THSD7B: variants seen among roughly 807,000 people sequenced by gnomAD.
THSD7B encodes the protein thrombospondin type-1 domain-containing protein 7B.
In THSD7B, 138 loss-of-function variants were observed where a neutral mutation model predicts 213.6. The observed-to-expected ratio is 0.65, with a 90% CI of 0.56 to 0.74. The LOEUF is 0.74. Ranked by LOEUF, THSD7B falls within the 30% of genes least tolerant of loss-of-function variation. The pLI is 0.00. For missense variants in THSD7B, 1,931 were observed against 1,991.5 expected, an observed-to-expected ratio of 0.97 and a Z score of 0.58; for synonymous variants, 742 against 687.0, an observed-to-expected ratio of 1.08 and a Z score of -1.25.
chr2:137,461,271 C>T (rs1376351740), intron 15 of THSD7B, among the ~76,000 whole-genome samples: 5 of 152,092 alleles, frequency 3.3e-5, no homozygotes, highest in African/African-American at 1.2e-4. Flanking sequence ...TGTAGATATT[C>T]AATTTCAGTA....
At chr2:137,197,016 T>G (rs1048440459) in intron 7 of THSD7B, among the ~76,000 whole-genome samples, 2 of 152,166 alleles carry the variant, frequency 1.3e-5, no homozygotes, top group Non-Finnish European at 2.9e-5. Flanking sequence ...CTGAATCTAA[T>G]CACACAATCA....
rs192155143 is a variant in THSD7B at position 137,477,506 on chromosome 2, A to T, written c.3138+26483A>T. Among the ~76,000 whole-genome samples, 111 of 142,538 alleles carry T rather than the reference A, an allele frequency of 7.8e-4. 2 individuals are homozygous for T. The highest frequency in any genetic ancestry group is 2.9e-3 in the African/African-American group (99 of 33,816). 93.5% of individuals were successfully genotyped at this position (142,538 alleles called of 152,430 possible). On this transcript the variant is annotated intron_variant, in intron 15 of 27. Coordinates refer to ENST00000409968, the MANE Select transcript of THSD7B (RefSeq NM_001316349.2). ...AAATTTTAATTTATTTATACTCATGATTATTATTTATATTTGATTATTATT... is the reference window on the plus strand; with the variant it reads ...AAATTTTAATTTATTTATACTCATGTTTATTATTTATATTTGATTATTATT...
At chr2:137,458,525 T>C (rs2105076305) in intron 15 of THSD7B, among the ~76,000 whole-genome samples, 1 of 152,300 alleles carries the variant, frequency 6.6e-6, no homozygotes, top group East Asian at 1.9e-4. Flanking sequence ...AGCTCTGCTT[T>C]TGTCTTGCAG....
At chr2:136,987,125 G>A (rs1685686282) in intron 2 of THSD7B, among the ~76,000 whole-genome samples, 1 of 152,182 alleles carries the variant, frequency 6.6e-6, no homozygotes, top group Non-Finnish European at 1.5e-5. Flanking sequence ...CAGACTCACA[G>A]TAGTTCAAGC....
intron 15 of THSD7B, among the ~76,000 whole-genome samples, chr2:137,460,617 G>A (rs1687865704): frequency 6.6e-6 from 1 of 151,890 alleles, no homozygotes; most frequent in Non-Finnish European, 1.5e-5. Context: ...CACCTTATTT[G>A]GCATAGCATT....
At chr2:137,269,448 C>T (rs1682682983) in intron 10 of THSD7B, among the ~76,000 whole-genome samples, 1 of 152,212 alleles carries the variant, frequency 6.6e-6, no homozygotes, top group South Asian at 2.1e-4. Flanking sequence ...CTGATCCATG[C>T]TGTATATGTA....
rs16836660 is a variant in THSD7B at position 136,784,463 on chromosome 2, T to G, written c.-36+18776T>G. On this transcript the variant is annotated intron_variant, in intron 1 of 27. Coordinates refer to ENST00000409968, the MANE Select transcript of THSD7B (RefSeq NM_001316349.2). ...ATTATTGCAAAGATGATATTTATTT[T>G]GTAGGCTCCATTCTTTGTTTTGTTT... Among the ~76,000 whole-genome samples the G allele has an allele frequency of 5.9e-3, 899 of 152,302 alleles. 7 individuals carry two copies. The highest frequency in any genetic ancestry group is 0.02 in the African/African-American group (849 of 41,570).
chr2:137,107,561 TGACCTG>T (rs911057650), intron 4 of THSD7B, among the ~76,000 whole-genome samples: 1 of 152,216 alleles, frequency 6.6e-6, no homozygotes, highest in African/African-American at 2.4e-5. Flanking sequence ...AGAGGAGTCG[TGACCTG>T]GATTCTCCAG....
intron 1 of THSD7B, among the ~76,000 whole-genome samples, chr2:136,867,662 A>G (rs543809252): frequency 9.2e-5 from 14 of 152,264 alleles, no homozygotes; most frequent in African/African-American, 3.4e-4. Context: ...TGTTTTCTTT[A>G]ATGCATTCAT....
At chr2:137,404,680 AAG>A (rs891090661) in intron 12 of THSD7B, among the ~76,000 whole-genome samples, 3 of 151,538 alleles carry the variant, frequency 2.0e-5, no homozygotes, top group African/African-American at 7.3e-5. Flanking sequence ...CAACCATAAA[AAG>A]GAATGAATTA....
At chr2:137,589,591 T>C (rs1333895486) in intron 17 of THSD7B, among the ~76,000 whole-genome samples, 1 of 152,216 alleles carries the variant, frequency 6.6e-6, no homozygotes, top group African/African-American at 2.4e-5. Flanking sequence ...GTTTTCTTTT[T>C]GGTTTTTGTT....
chr2:136,814,608 G>A (rs531226990), intron 1 of THSD7B, among the ~76,000 whole-genome samples: 25 of 152,090 alleles, frequency 1.6e-4, no homozygotes, highest in Non-Finnish European at 2.6e-4. Flanking sequence ...CCGTGTTAGC[G>A]AGAATGGTTT....
Position 137,391,425 on chromosome 2 carries a change from A to T in THSD7B, c.2501-14188A>T, listed in dbSNP as rs112191931. 2.9e-3 allele frequency among the ~76,000 whole-genome samples: 446 copies of T among 152,236 alleles called. 5 individuals are homozygous for T. The highest frequency in any genetic ancestry group is 0.01 in the African/African-American group (432 of 41,552). ...AAGAACAGGCCAGGTGCAGTGGCTC[A>T]TGCCTGTAATCCCAGCATTTTGGGA... On this transcript the variant is annotated intron_variant, in intron 12 of 27. Transcript: ENST00000409968.
intron 1 of THSD7B, among the ~76,000 whole-genome samples, chr2:136,857,539 A>G (rs540666012): frequency 2.0e-4 from 31 of 152,316 alleles, no homozygotes; most frequent in Non-Finnish European, 1.5e-4. Flanking sequence ...ATCTTATTCA[A>G]TGTCTATAAT....
intron 1 of THSD7B, among the ~76,000 whole-genome samples, chr2:136,872,390 TG>T (rs201478828): frequency 2.6e-5 from 1 of 38,676 alleles, no homozygotes. Flanking sequence ...TTCGGGGGGG[TG>T]GGGGGGACTT....
chr2:137,482,874 G>A (rs986812275), intron 15 of THSD7B, among the ~76,000 whole-genome samples: 2 of 152,154 alleles, frequency 1.3e-5, no homozygotes, highest in African/African-American at 4.8e-5. Context: ...AGATCCAGAT[G>A]CCCAATACAG....
chr2:137,427,945 C>A (rs1042990952), intron 14 of THSD7B, among the ~76,000 whole-genome samples: 14 of 151,936 alleles, frequency 9.2e-5, no homozygotes, highest in Non-Finnish European at 1.3e-4. Context: ...ATGTTGTATA[C>A]TTTAAGCATA....
intron 15 of THSD7B, among the ~76,000 whole-genome samples, chr2:137,517,811 G>C (rs1573679776): frequency 6.6e-6 from 1 of 152,170 alleles, no homozygotes; most frequent in South Asian, 2.1e-4. Flanking sequence ...AGGCCTCTAG[G>C]ATATTGGAGC....
chr2:137,282,921 G>GT (rs1683064127), intron 12 of THSD7B, among the ~76,000 whole-genome samples: 4 of 152,100 alleles, frequency 2.6e-5, no homozygotes, highest in South Asian at 2.1e-4. Flanking sequence ...CTTTAAAGTA[G>GT]TTTTTTTCAA....
Sources: allele counts gnomAD v4.1 joint callset (sites outside exome capture counted in the v4.1 genomes callset), GRCh38; gene constraint gnomAD v4.1.1; transcripts MANE v1.5; gene names NCBI Gene and HGNC (gene_info 2026-07-23, HGNC 2026-07-21).